TNKS: variants seen among roughly 807,000 people sequenced by gnomAD.
TNKS encodes tankyrase.
TNKS carries 72 observed loss-of-function variants against 135.8 expected under a neutral mutation model. That is an observed-to-expected ratio of 0.53 (90% CI 0.44 to 0.64). The LOEUF (loss-of-function observed/expected upper bound fraction) is 0.64. TNKS is among the 30% of genes least tolerant of loss of function. The pLI, the probability that TNKS is intolerant of heterozygous loss-of-function variation, is 0.00. For missense variants in TNKS, 1,769 were observed against 1,674.0 expected, an observed-to-expected ratio of 1.06 and a Z score of -0.99; for synonymous variants, 849 against 649.3, an observed-to-expected ratio of 1.31 and a Z score of -4.68.
At chr8:9,721,707 T>A (rs1470355315) in intron 12 of TNKS, among the ~76,000 whole-genome samples, 1 of 152,154 alleles carries the variant, frequency 6.6e-6, no homozygotes, top group Non-Finnish European at 1.5e-5. Context: ...GAAGTGAAAT[T>A]CATAGATAAT....
At chr8:9,729,720 T>C (rs1463760840) in intron 13 of TNKS, among the ~76,000 whole-genome samples, 2 of 151,752 alleles carry the variant, frequency 1.3e-5, no homozygotes, top group African/African-American at 4.8e-5. Flanking sequence ...GTTTGTTATC[T>C]ATCAACTTCT....
chr8:9,600,576 A>G lies in TNKS; in HGVS notation c.899-15006A>G, dbSNP rs539629471. ...GATCTGTTGGTCTCGGCCTCCCAAAATGGTAGGATTTCAGAGGCATGAGCC... is the reference window on the plus strand; with the variant it reads ...GATCTGTTGGTCTCGGCCTCCCAAAGTGGTAGGATTTCAGAGGCATGAGCC... On this transcript the variant is annotated intron_variant, in intron 2 of 26. Transcript: ENST00000310430. 3.3e-5 allele frequency among the ~76,000 whole-genome samples: 5 copies of G among 152,196 alleles called. No homozygotes were observed. The East Asian group carries it at 9.7e-4, about 29-fold the overall frequency.
chr8:9,625,531 T>C (rs1302575605), intron 3 of TNKS, among the ~76,000 whole-genome samples: 2 of 152,136 alleles, frequency 1.3e-5, no homozygotes, highest in Non-Finnish European at 2.9e-5. Flanking sequence ...TGTTATAATT[T>C]TTCTTTTAAG....
chr8:9,758,255 A>G (rs1806948589), intron 20 of TNKS, among the ~76,000 whole-genome samples: 1 of 152,178 alleles, frequency 6.6e-6, no homozygotes, highest in African/African-American at 2.4e-5. Context: ...GAATGGTTGG[A>G]TGGAATTGCA....
chr8:9,672,677 C>CACAA (rs1802338685), intron 3 of TNKS, among the ~76,000 whole-genome samples: 11 of 66,666 alleles, frequency 1.7e-4, no homozygotes, highest in South Asian at 6.8e-4. Context: ...AAAAAAAAAA[C>CACAA]ACATACACAC....
At chr8:9,753,545 G>A (rs570819825) in intron 20 of TNKS, among the ~76,000 whole-genome samples, 2 of 152,200 alleles carry the variant, frequency 1.3e-5, no homozygotes, top group Non-Finnish European at 2.9e-5. Flanking sequence ...TTTCATACAG[G>A]ATAAGGAGTT....
intron 25 of TNKS, among the ~76,000 whole-genome samples, chr8:9,767,017 C>G (rs756555087): frequency 2.6e-5 from 4 of 152,186 alleles, no homozygotes; most frequent in African/African-American, 9.7e-5. Flanking sequence ...TTTTCTTCCT[C>G]TGTAATCAGA....
chr8:9,723,988 A>G (rs1805034764), intron 12 of TNKS, among the ~76,000 whole-genome samples: 1 of 152,226 alleles, frequency 6.6e-6, no homozygotes, highest in African/African-American at 2.4e-5. Flanking sequence ...ACCTGTTGCC[A>G]GTCCAGTAGT....
At chr8:9,733,632 A>G (rs564599409) in intron 15 of TNKS, among the ~76,000 whole-genome samples, 188 bp downstream of exon 15, 1 of 152,310 alleles carries the variant, frequency 6.6e-6, no homozygotes, top group Non-Finnish European at 1.5e-5. Context: ...TAAAGTGAAT[A>G]TCTGAAATGG....
intron 1 of TNKS, among the ~76,000 whole-genome samples, chr8:9,574,322 T>C (rs1306097262): frequency 6.6e-6 from 1 of 152,186 alleles, no homozygotes; most frequent in Non-Finnish European, 1.5e-5. Context: ...CTGGCGCCTC[T>C]AAAAATAGAG....
In TNKS at chr8:9,580,271, T is replaced by C; in HGVS notation, c.786T>C (p.Ala262=). The C allele has an allele frequency of 6.2e-7, 1 of 1,614,204 alleles. No individual in the cohort carries two copies. Among genetic ancestry groups the C allele is most frequent in the Non-Finnish European group, 8.5e-7 (1 of 1,180,032 alleles). ...ATAATGCCTGTTCTTTTGGCCATGC[T>C]GAGGTTGTGAGTCTGTTATTGTGCC... ...PLHNACSFGH[A]EVVSLLLCQG... Residue 262 remains alanine (A), a synonymous_variant, in exon 2 of 27, where the codon GCT becomes GCC. Transcript: ENST00000310430.
intron 25 of TNKS, among the ~76,000 whole-genome samples, chr8:9,767,320 T>G (rs1807514301): frequency 6.6e-6 from 1 of 152,158 alleles, no homozygotes; most frequent in Non-Finnish European, 1.5e-5. Context: ...AAAAAGTACT[T>G]TCCCTTTCCT....
At chr8:9,580,415 A>C (rs1343645354) in intron 2 of TNKS, 32 bp downstream of exon 2, 2 of 1,591,132 alleles carry the variant, frequency 1.3e-6, no homozygotes, top group East Asian at 2.2e-5. Context: ...CTAAATTTTA[A>C]ATAAAGGTTT....
intron 2 of TNKS, among the ~76,000 whole-genome samples, chr8:9,601,553 A>G (rs996899433): frequency 6.6e-6 from 1 of 152,194 alleles, no homozygotes; most frequent in Non-Finnish European, 1.5e-5. Context: ...ATGTGTTTGT[A>G]TCTCAGGGGA....
intron 3 of TNKS, among the ~76,000 whole-genome samples, chr8:9,619,376 T>C (rs1278967890): frequency 6.6e-6 from 1 of 152,132 alleles, no homozygotes; most frequent in African/African-American, 2.4e-5. Flanking sequence ...AGTGGAAAAT[T>C]GAATCAAAGA....
intron 5 of TNKS, among the ~76,000 whole-genome samples, chr8:9,695,728 G>A (rs915390601): frequency 6.6e-6 from 1 of 152,180 alleles, no homozygotes; most frequent in African/African-American, 2.4e-5. Flanking sequence ...TCTTCAAGTA[G>A]GTGACAGTAG....
At chr8:9,756,338 C>G (rs972115981) in intron 20 of TNKS, among the ~76,000 whole-genome samples, 6 of 152,024 alleles carry the variant, frequency 3.9e-5, no homozygotes, top group Admixed American at 2.6e-4. Flanking sequence ...TCTCCCCACC[C>G]AAAGTAAAAT....
chr8:9,775,916 T>G (rs1251696454), intron 26 of TNKS, among the ~76,000 whole-genome samples: 1 of 152,086 alleles, frequency 6.6e-6, no homozygotes, highest in Non-Finnish European at 1.5e-5. Flanking sequence ...AGGGGTGTCC[T>G]ACCTCTCCTT....
chr8:9,705,595 C>T (rs541928017), intron 6 of TNKS, among the ~76,000 whole-genome samples: 3 of 152,250 alleles, frequency 2.0e-5, no homozygotes, highest in South Asian at 4.1e-4. Context: ...GTTCTCTTGC[C>T]TGCACCAGGT....
Sources: allele counts gnomAD v4.1 joint callset (sites outside exome capture counted in the v4.1 genomes callset), GRCh38; gene constraint gnomAD v4.1.1; transcripts MANE v1.5; gene names NCBI Gene and HGNC (gene_info 2026-07-23, HGNC 2026-07-21).